The following TENM3 variants were observed in gnomAD, a reference collection of about 807,000 sequenced individuals.
The protein encoded by TENM3 is teneurin-3.
Under a neutral mutation model 255.1 loss-of-function variants are expected in TENM3, and 63 were observed. That is an observed-to-expected ratio of 0.25 (90% CI 0.20 to 0.30). The LOEUF is 0.30. TENM3 is among the 10% of genes least tolerant of loss of function. TENM3 has a pLI of 1.00. For synonymous variants in TENM3, 1,306 were observed against 1,322.3 expected (o/e 0.99, Z 0.27); for missense variants, 2,929 against 3,461.1 (o/e 0.85, Z 3.86).
At chr4:182,585,147 A>C (rs1745889349) in intron 3 of TENM3, among the ~76,000 whole-genome samples, 1 of 152,234 alleles carries the variant, frequency 6.6e-6, no homozygotes, top group Admixed American at 6.5e-5. Context: ...TTCACAGTTT[A>C]TAAAAATACT....
chr4:182,743,210 C>T lies in TENM3; in HGVS notation c.3420C>T (p.Ser1140=). ...GAAACGGGGAAAACCAGTTCATCTC[C>T]CAGCAGCCTCCAGTCGTGAGTAGCA... ...YKGNGENQFI[S]QQPPVVSSIM... The change falls in exon 19 of 28, where the codon TCC becomes TCT. Residue 1140 remains serine, a synonymous_variant. Transcript: ENST00000511685. 6.2e-7 allele frequency: 1 copy of T among 1,613,794 alleles called. No individual in the cohort carries two copies.
the TENM3 span, among the ~76,000 whole-genome samples, chr4:181,675,199 A>G: frequency 6.6e-6 from 1 of 152,138 alleles, no homozygotes; most frequent in African/African-American, 2.4e-5. Context: ...TTGAAATTAT[A>G]AGATATAAGA....
chr4:182,386,744 C>T (rs1026183630), intron 3 of TENM3, among the ~76,000 whole-genome samples: 13 of 152,336 alleles, frequency 8.5e-5, no homozygotes, highest in South Asian at 2.1e-4. Context: ...GCCAGCCCAC[C>T]GGCGCTGCTC....
chr4:182,305,738 A>G (rs1229558684), intron 1 of TENM3, among the ~76,000 whole-genome samples: 3 of 152,192 alleles, frequency 2.0e-5, no homozygotes, highest in South Asian at 2.1e-4. Flanking sequence ...AGAGTATTCA[A>G]TGATCAGACT....
At chr4:181,620,044 C>A in the TENM3 span, among the ~76,000 whole-genome samples, 18 of 152,138 alleles carry the variant, frequency 1.2e-4, no homozygotes, top group East Asian at 3.5e-3. Context: ...GCAGATCACT[C>A]GAGCCCAGGA....
chr4:181,487,950 A>G, the TENM3 span, among the ~76,000 whole-genome samples: 1 of 152,242 alleles, frequency 6.6e-6, no homozygotes, highest in Non-Finnish European at 1.5e-5. Flanking sequence ...TCTAGAGGTA[A>G]TAATGACTCC....
At chr4:182,719,228 G>A (rs1759456113) in intron 13 of TENM3, among the ~76,000 whole-genome samples, 1 of 138,292 alleles carries the variant, frequency 7.2e-6, no homozygotes, top group Non-Finnish European at 1.5e-5. Context: ...CATATTACCA[G>A]TAAAATAGAG....
At chr4:182,117,693 A>G in the TENM3 span, among the ~76,000 whole-genome samples, 1 of 152,158 alleles carries the variant, frequency 6.6e-6, no homozygotes, top group Non-Finnish European at 1.5e-5. Context: ...TTTCTTGATT[A>G]TTGTGGCTTT....
chr4:182,139,833 C>A (rs1450140), upstream of TENM3, among the ~76,000 whole-genome samples: 63,743 of 152,070 alleles, frequency 0.42, 13,603 homozygotes, highest in Non-Finnish European at 0.46. Context: ...GCGTAAGGCC[C>A]GGTTTACACC....
At chr4:181,730,221 C>A in the TENM3 span, among the ~76,000 whole-genome samples, 121,631 of 152,106 alleles carry the variant, frequency 0.8, 49,168 homozygotes, top group Admixed American at 0.87. Flanking sequence ...GCAGGGTTTT[C>A]GCATTAAAAT....
At chr4:181,623,896 G>C in the TENM3 span, among the ~76,000 whole-genome samples, 1 of 152,170 alleles carries the variant, frequency 6.6e-6, no homozygotes. Context: ...TCTTAATATT[G>C]ATGTGCTATT....
the TENM3 span, among the ~76,000 whole-genome samples, chr4:181,605,519 A>AAAGT: frequency 4.4e-5 from 1 of 22,586 alleles, no homozygotes; most frequent in African/African-American, 1.1e-4. Context: ...AGAAAGAAAG[A>AAAGT]AAGAAAGAAA....
chr4:181,903,285 A>G, the TENM3 span, among the ~76,000 whole-genome samples: 1 of 152,132 alleles, frequency 6.6e-6, no homozygotes, highest in Non-Finnish European at 1.5e-5. Flanking sequence ...CTCTTCCACC[A>G]ATTTGGAGAA....
chr4:182,191,246 G>A (rs1753498600), intron 1 of TENM3, among the ~76,000 whole-genome samples: 1 of 152,170 alleles, frequency 6.6e-6, no homozygotes, highest in African/African-American at 2.4e-5. Flanking sequence ...AGCATTCAAA[G>A]CTCTCTTTAA....
At chr4:181,863,819 A>G in the TENM3 span, among the ~76,000 whole-genome samples, 1 of 152,188 alleles carries the variant, frequency 6.6e-6, no homozygotes, top group African/African-American at 2.4e-5. Context: ...AAAAGACCCC[A>G]TAGTAACAAA....
the TENM3 span, among the ~76,000 whole-genome samples, chr4:182,055,144 C>G: frequency 6.6e-6 from 1 of 151,970 alleles, no homozygotes; most frequent in Admixed American, 6.6e-5. Context: ...CCCAGGAGTT[C>G]GAGTCCAGTT....
At chr4:182,224,082 T>G (rs945881122) in intron 1 of TENM3, among the ~76,000 whole-genome samples, 6 of 152,244 alleles carry the variant, frequency 3.9e-5, no homozygotes, top group Admixed American at 1.3e-4. Context: ...TATCGAATCA[T>G]AAATCAAACT....
At chr4:182,080,076 A>C in the TENM3 span, among the ~76,000 whole-genome samples, 1 of 152,208 alleles carries the variant, frequency 6.6e-6, no homozygotes, top group Non-Finnish European at 1.5e-5. Flanking sequence ...GAGATACTGA[A>C]GAAGGAAAAG....
chr4:182,730,872 T>C lies in TENM3; in HGVS notation c.2706-6T>C, dbSNP rs769489831. On this transcript the variant is annotated splice_polypyrimidine_tract_variant and splice_region_variant and intron_variant, in intron 15 of 27. Coordinates refer to ENST00000511685, the MANE Select transcript of TENM3 (RefSeq NM_001080477.4). Reference sequence around the variant, plus strand: ...AATTCACTAAGCATACCTTGTTCTTTCTTAGGTTTGACTTGGTGGCAAATG... The same window carrying C: ...AATTCACTAAGCATACCTTGTTCTTCCTTAGGTTTGACTTGGTGGCAAATG... 6 of 1,613,434 alleles carry C rather than the reference T, an allele frequency of 3.7e-6. No individual in the cohort carries two copies. In the Admixed American group the frequency reaches 1.0e-4, roughly 27 times the overall value.
Sources: allele counts gnomAD v4.1 joint callset (sites outside exome capture counted in the v4.1 genomes callset), GRCh38; gene constraint gnomAD v4.1.1; transcripts MANE v1.5; gene names NCBI Gene and HGNC (gene_info 2026-07-23, HGNC 2026-07-21).